Variants in PARP10 observed in about 807,000 individuals in gnomAD.
The protein encoded by PARP10 is poly(ADP-ribose) polymerase family member 10, also known as protein mono-ADP-ribosyltransferase PARP10.
PARP10 carries 56 observed loss-of-function variants against 82.4 expected under a neutral mutation model. The ratio of observed to expected loss-of-function variants is 0.68; its 90% CI spans 0.55 to 0.85. The LOEUF is 0.85. Ranked by LOEUF, PARP10 falls within the 40% of genes least tolerant of loss-of-function variation. The pLI, the probability that PARP10 is intolerant of heterozygous loss-of-function variation, is 0.00. For synonymous variants in PARP10, 576 were observed against 601.1 expected (o/e 0.96, Z 0.61); for missense variants, 1,227 against 1,379.4 (o/e 0.89, Z 1.75).
At chr8:144,009,010 A>G (rs568628735) in intron 1 of PARP10, among the ~76,000 whole-genome samples, 1 of 152,160 alleles carries the variant, frequency 6.6e-6, no homozygotes, top group Admixed American at 6.5e-5. Context: ...TCTACTGTGC[A>G]CTGTGAGTCT....
chr8:144,012,476 T>C, intron 1 of PARP10: 1 of 1,535,218 alleles, frequency 6.5e-7, no homozygotes, highest in Non-Finnish European at 8.8e-7. Flanking sequence ...CCAGGTGCAG[T>C]GCCCTCCCGT....
chr8:143,981,292 C>T (rs1833842670), intron 9 of PARP10, among the ~76,000 whole-genome samples: 2 of 151,058 alleles, frequency 1.3e-5, no homozygotes, highest in South Asian at 4.2e-4. Flanking sequence ...ATGGTGGCCA[C>T]GGTGGTGGTG....
intron 1 of PARP10, among the ~76,000 whole-genome samples, chr8:144,006,516 C>T (rs1554752089): frequency 6.6e-6 from 1 of 152,200 alleles, no homozygotes; most frequent in African/African-American, 2.4e-5. Context: ...GGGCAACACG[C>T]AAGCGGAGTC....
intron 1 of PARP10, among the ~76,000 whole-genome samples, chr8:143,997,970 T>A (rs1016648669): frequency 1.1e-4 from 17 of 152,042 alleles, no homozygotes; most frequent in Admixed American, 7.2e-4. Context: ...TTATTTTTAT[T>A]TTTGTAGAAA....
At position 143,983,562 on chromosome 8, in the gene PARP10, GCCT is replaced by G. The variant is rs1438842908; in HGVS notation, c.2024_2026del (p.Glu675del). On this transcript the variant is annotated inframe_deletion, in exon 8 of 11. Transcript: ENST00000313028. ...GGTTAGGGCTTGCCGCAGGGCAGCAGCCTCCTCCTGCTCAGCCACCTGACCTTG... is the reference window on the plus strand; with the variant it reads ...GGTTAGGGCTTGCCGCAGGGCAGCAGCCTCCTGCTCAGCCACCTGACCTTG... 2 of 1,606,288 alleles carry G rather than the reference GCCT, an allele frequency of 1.2e-6. No individual in the cohort carries two copies. Among genetic ancestry groups the G allele is most frequent in the East Asian group, 2.2e-5 (1 of 44,660 alleles).
chr8:144,003,713 C>T (rs1293599936), intron 1 of PARP10, among the ~76,000 whole-genome samples: 1 of 151,858 alleles, frequency 6.6e-6, no homozygotes, highest in Admixed American at 6.6e-5. Flanking sequence ...GGCAACTCTA[C>T]GTAAAAAAAG....
intron 1 of PARP10, among the ~76,000 whole-genome samples, chr8:144,005,179 A>AG (rs1451989702): frequency 3.8e-5 from 5 of 130,466 alleles, no homozygotes; most frequent in African/African-American, 1.8e-4. Context: ...ACTCAGTCTC[A>AG]AAAAAAAAAA....
At chr8:143,998,745 T>C (rs1834179300) in intron 1 of PARP10, among the ~76,000 whole-genome samples, 2 of 152,078 alleles carry the variant, frequency 1.3e-5, no homozygotes, top group Non-Finnish European at 2.9e-5. Context: ...AGCCCAGGAG[T>C]TTGCGACCAG....
chr8:143,992,040 G>A (rs958300501), upstream of PARP10: 1 of 1,613,954 alleles, frequency 6.2e-7, no homozygotes, highest in Non-Finnish European at 8.5e-7. Flanking sequence ...CTGTTGTGGG[G>A]ACTTCCGGCG....
At chr8:144,000,636 A>G (rs1161746539) in intron 1 of PARP10, among the ~76,000 whole-genome samples, 2 of 152,132 alleles carry the variant, frequency 1.3e-5, no homozygotes, top group African/African-American at 4.8e-5. Context: ...TCTCAAAAAC[A>G]AACAATAAAC....
upstream of PARP10, chr8:143,990,111 C>T (rs1554750201): frequency 6.6e-6 from 1 of 151,340 alleles, no homozygotes; most frequent in African/African-American, 2.4e-5. This position sits in a 1 kb window ranked among gnomAD's most constrained non-coding sequence, Gnocchi z 5.6. Flanking sequence ...GAGCGGCCGC[C>T]GAGCGGGTGC....
chr8:143,988,056 C>A (rs1199071933), upstream of PARP10, among the ~76,000 whole-genome samples: 2 of 150,960 alleles, frequency 1.3e-5, no homozygotes, highest in Non-Finnish European at 3.0e-5. Context: ...ACTCCTGCCT[C>A]AGTAGCCTGG....
At chr8:144,001,164 T>C (rs1834200093) in intron 1 of PARP10, among the ~76,000 whole-genome samples, 1 of 151,850 alleles carries the variant, frequency 6.6e-6, no homozygotes, top group Non-Finnish European at 1.5e-5. Flanking sequence ...TCTGCCCGCC[T>C]CAGCCTCCCA....
chr8:143,992,608 C>T (rs1564258331), upstream of PARP10: 16 of 1,614,132 alleles, frequency 9.9e-6, no homozygotes, highest in South Asian at 2.2e-5. Context: ...TCTTCACCTG[C>T]GTGAGTGAGG....
At chr8:144,005,056 G>A (rs782329091) in intron 1 of PARP10, among the ~76,000 whole-genome samples, 3 of 151,936 alleles carry the variant, frequency 2.0e-5, no homozygotes, top group Non-Finnish European at 2.9e-5. Context: ...GTGGGCGCCT[G>A]TAATCCCAGC....
rs182901759 is a variant in PARP10 at position 144,008,844 on chromosome 8, T to G, written c.-80+3686A>C. 2.4e-4 allele frequency among the ~76,000 whole-genome samples: 37 copies of G among 152,344 alleles called. No homozygotes were observed. The highest frequency in any genetic ancestry group is 2.0e-3 in the Admixed American group (31 of 15,300). On this transcript the variant is annotated intron_variant, in intron 1 of 3. Coordinates refer to the PARP10 transcript ENST00000530478. This position sits in a 1 kb window ranked among gnomAD's most constrained non-coding sequence, Gnocchi z 4.0. ...ACAGACTTGGATACCAAAGGACACTTTGTATATAAAACATAACAAAAAGAA... is the reference window on the plus strand; with the variant it reads ...ACAGACTTGGATACCAAAGGACACTGTGTATATAAAACATAACAAAAAGAA...
chr8:143,986,420 C>G lies in PARP10; in HGVS notation c.-61G>C. On this transcript the variant is annotated 5_prime_UTR_variant, in exon 1 of 11. Transcript: ENST00000313028. ...TCAGCCAGGACTCCTGTGCCTGCCC[C>G]TCAGCAAGCCTAACCCTGCTGGGAG... The G allele has an allele frequency of 6.2e-7, 1 of 1,613,774 alleles. No homozygotes were observed. Among genetic ancestry groups the G allele is most frequent in the South Asian group, 1.1e-5 (1 of 91,066 alleles).
In PARP10 at chr8:144,003,125, A is replaced by G. The variant is rs1554751809; in HGVS notation, c.-80+9405T>C. ...ATGGACACTCCACTACAAACAACTA[A>G]AAAATGTTATGAAACAGCCGGGCAC... is the stretch of plus-strand genomic sequence containing the variant. On this transcript the variant is annotated intron_variant, in intron 1 of 3. Coordinates refer to the PARP10 transcript ENST00000530478. Among the ~76,000 whole-genome samples the G allele has an allele frequency of 1.3e-5, 2 of 152,190 alleles. 1 individual carries two copies. The highest frequency in any genetic ancestry group is 2.9e-5 in the Non-Finnish European group (2 of 68,012).
chr8:143,992,322 C>T (rs376390347), upstream of PARP10: 18 of 1,587,700 alleles, frequency 1.1e-5, no homozygotes, highest in East Asian at 2.2e-5. Context: ...TCATCATGGC[C>T]GTGGGCATCA....
Sources: allele counts gnomAD v4.1 joint callset (sites outside exome capture counted in the v4.1 genomes callset), GRCh38; gene constraint gnomAD v4.1.1; non-coding constraint Gnocchi (gnomAD v3.1); transcripts MANE v1.5; gene names NCBI Gene and HGNC (gene_info 2026-07-23, HGNC 2026-07-21).